The following PANK1 variants were observed in gnomAD, a reference collection of about 807,000 sequenced individuals.
The protein encoded by PANK1 is pantothenic acid kinase 1.
Under a neutral mutation model 40.1 loss-of-function variants are expected in PANK1, and 18 were observed. The observed-to-expected ratio is 0.45, with a 90% CI of 0.31 to 0.67. The LOEUF (loss-of-function observed/expected upper bound fraction) is 0.67, where lower values mean the gene tolerates loss of function less well. Ranked by LOEUF, PANK1 falls within the 30% of genes least tolerant of loss-of-function variation. PANK1 has a pLI of 0.06. For synonymous variants in PANK1, 242 were observed against 237.7 expected, an observed-to-expected ratio of 1.02 and a Z score of -0.17; for missense variants, 457 against 599.6, an observed-to-expected ratio of 0.76 and a Z score of 2.48.
chr10:89,594,172 TA>T (rs922774453), intron 3 of PANK1, among the ~76,000 whole-genome samples, 183 bp from the exon 4 acceptor site: 4 of 152,094 alleles, frequency 2.6e-5, no homozygotes, highest in African/African-American at 9.7e-5. Flanking sequence ...GGGCAGAGAC[TA>T]AAAATAAACA....
intron 2 of PANK1, among the ~76,000 whole-genome samples, chr10:89,604,348 A>G (rs1844876872): frequency 2.0e-5 from 3 of 152,170 alleles, no homozygotes; most frequent in African/African-American, 7.2e-5. Context: ...TAAAGTGAAT[A>G]TTGCAATAAA....
chr10:89,633,586 G>T (rs1222806251), intron 1 of PANK1, among the ~76,000 whole-genome samples: 1 of 151,722 alleles, frequency 6.6e-6, no homozygotes, highest in Non-Finnish European at 1.5e-5. Flanking sequence ...TAGTAAACAG[G>T]TTCCACTAAT....
At chr10:89,637,184 G>C (rs1399210402) in intron 1 of PANK1, among the ~76,000 whole-genome samples, 1 of 151,960 alleles carries the variant, frequency 6.6e-6, no homozygotes, top group African/African-American at 2.4e-5. Context: ...AGCCACAGGT[G>C]GGGTGAGCAA....
intron 1 of PANK1, among the ~76,000 whole-genome samples, chr10:89,630,019 T>A (rs1841587031): frequency 6.6e-6 from 1 of 152,222 alleles, no homozygotes; most frequent in Non-Finnish European, 1.5e-5. Flanking sequence ...TACCAGGACT[T>A]GACAGGTTAC....
chr10:89,605,184 A>G (rs1844921456), intron 2 of PANK1, among the ~76,000 whole-genome samples: 1 of 152,092 alleles, frequency 6.6e-6, no homozygotes, highest in South Asian at 2.1e-4. Context: ...CTCAATGTTG[A>G]GAGCTGCTGA....
intron 1 of PANK1, among the ~76,000 whole-genome samples, chr10:89,627,482 T>A (rs1412771840): frequency 6.6e-6 from 1 of 152,222 alleles, no homozygotes; most frequent in Non-Finnish European, 1.5e-5. Flanking sequence ...ATACAATGGA[T>A]ACTGAAGGAA....
At chr10:89,644,169 C>A (rs1310010408) in intron 1 of PANK1, among the ~76,000 whole-genome samples, 3 of 152,160 alleles carry the variant, frequency 2.0e-5, no homozygotes, top group Non-Finnish European at 2.9e-5. Context: ...GCAGGCAACC[C>A]CAGTAGGACG....
chr10:89,604,119 A>G (rs1009241614), intron 2 of PANK1, among the ~76,000 whole-genome samples: 19 of 152,358 alleles, frequency 1.2e-4, no homozygotes, highest in Admixed American at 3.9e-4. Flanking sequence ...GATGAAAGCA[A>G]TCAGAAACCT....
At position 89,599,434 on chromosome 10, in the gene PANK1, A is replaced by G. The variant is rs928268696; in HGVS notation, c.717T>C (p.Ser239=). ...ATTCTGGCTTGCCGTTGAAGCCAAC[A>G]GAGTCGACATAAAGCAGGCCCTGAA... ...CLIQGLLYVD[S]VGFNGKPECY... is the part of the protein sequence containing the mutation. Residue 239 remains serine, a synonymous_variant, in exon 3 of 7, where the codon TCT becomes TCC. Coordinates refer to ENST00000307534, the MANE Select transcript of PANK1 (RefSeq NM_148977.3). 2.5e-6 allele frequency: 4 copies of G among 1,613,702 alleles called. No homozygotes were observed. The highest frequency in any genetic ancestry group is 3.4e-6 in the Non-Finnish European group (4 of 1,179,688).
intron 6 of PANK1, 25 bp downstream of exon 6, chr10:89,588,627 G>GTT (rs762466114): frequency 1.3e-6 from 2 of 1,564,834 alleles, no homozygotes; most frequent in Non-Finnish European, 1.7e-6. Flanking sequence ...ACATATGACA[G>GTT]TAAGTCTATG....
At chr10:89,616,810 A>G (rs1845333868) in intron 1 of PANK1, among the ~76,000 whole-genome samples, 2 of 151,942 alleles carry the variant, frequency 1.3e-5, no homozygotes, top group Admixed American at 1.3e-4. Context: ...AGTTCCAGCT[A>G]CTTGGGAGGC....
At chr10:89,638,502 C>A (rs1335198532) in intron 1 of PANK1, among the ~76,000 whole-genome samples, 2 of 152,200 alleles carry the variant, frequency 1.3e-5, no homozygotes, top group Non-Finnish European at 2.9e-5. Flanking sequence ...TACCACATGG[C>A]CAGGATGAGA....
intron 3 of PANK1, among the ~76,000 whole-genome samples, chr10:89,595,822 AAAAAAAAAAAAATATAT>A (rs1844552978): frequency 2.2e-5 from 1 of 44,658 alleles, no homozygotes; most frequent in South Asian, 1.2e-3. Context: ...ATCTTAAAAA[AAAAAAAAAAAAATATAT>A]ATATATATAT....
At chr10:89,641,920 T>C (rs112189733) in intron 1 of PANK1, among the ~76,000 whole-genome samples, 2 of 152,138 alleles carry the variant, frequency 1.3e-5, no homozygotes, top group Non-Finnish European at 2.9e-5. Context: ...GAAACAGCAC[T>C]TGGAGATCAC....
chr10:89,593,114 G>C, intron 5 of PANK1, 83 bp downstream of exon 5: 1 of 1,335,364 alleles, frequency 7.5e-7, no homozygotes, highest in Non-Finnish European at 1.1e-6. Context: ...ATATGTAGTT[G>C]TGTAAGAGTC....
downstream of PANK1, chr10:89,579,987 A>C (rs1844024620): frequency 6.6e-6 from 1 of 152,242 alleles, no homozygotes; most frequent in African/African-American, 2.4e-5. Flanking sequence ...ACACTAATGA[A>C]ATCTTTTTCA....
chr10:89,599,288 TAC>T lies in PANK1; in HGVS notation c.861_862del (p.Tyr288LeufsTer6). The T allele has an allele frequency of 6.2e-7, 1 of 1,614,016 alleles. No homozygotes were observed. ...AACTCTTTTATAGTTGTCCTTGGAGTACACGGCTAGAATGCTGACACCTGAGC... is the reference window on the plus strand; with the variant it reads ...AACTCTTTTATAGTTGTCCTTGGAGTACGGCTAGAATGCTGACACCTGAGC... On this transcript the variant is annotated frameshift_variant, in exon 3 of 7. Transcript: ENST00000307534. LOFTEE classifies it high-confidence loss of function.
rs1425952944 is a variant in PANK1 at position 89,644,816 on chromosome 10, C to A, written c.76G>T (p.Ala26Ser). The change falls in exon 1 of 7, where the codon GCT becomes TCT. Residue 26 changes from alanine (A) to serine (S), a missense_variant. Ala to Ser is a moderately conservative substitution (Grantham distance 99, BLOSUM62 1). Coordinates refer to ENST00000307534, the MANE Select transcript of PANK1 (RefSeq NM_148977.3). ...CCGTTGTGCAGCAGCCCGTTCACAG[C>A]GGCGGCGCTGGTGCCCACGGGGGCC... ...PGAPVGTSAA[A>S]VNGLLHNGFH... 6.9e-7 allele frequency: 1 copy of A among 1,455,970 alleles called. No homozygotes were observed. Among genetic ancestry groups the A allele is most frequent in the South Asian group, 1.4e-5 (1 of 69,810 alleles). 90.2% of individuals were successfully genotyped at this position (1,455,970 alleles called of 1,614,324 possible).
At chr10:89,642,739 A>T (rs1201227414) in intron 1 of PANK1, among the ~76,000 whole-genome samples, 1 of 152,236 alleles carries the variant, frequency 6.6e-6, no homozygotes, top group East Asian at 1.9e-4. Context: ...TTTGGTAGTG[A>T]AAAGGCCAGA....
Sources: allele counts gnomAD v4.1 joint callset (sites outside exome capture counted in the v4.1 genomes callset), GRCh38; gene constraint gnomAD v4.1.1; transcripts MANE v1.5; gene names NCBI Gene and HGNC (gene_info 2026-07-23, HGNC 2026-07-21).